The following PLA1A variants were observed in gnomAD, a reference collection of about 807,000 sequenced individuals.
PLA1A encodes the protein phosphatidylserine-specific phospholipase A1alpha.
A neutral mutation model predicts 49.4 loss-of-function variants in PLA1A; 47 were observed. The observed-to-expected ratio is 0.95, with a 90% CI of 0.75 to 1.21. PLA1A has a LOEUF of 1.21. Among genes scored for constraint, PLA1A ranks in the 50% most tolerant of loss-of-function variants. PLA1A has a pLI of 0.00. For synonymous variants in PLA1A, 224 were observed against 207.9 expected, an observed-to-expected ratio of 1.08 and a Z score of -0.67; for missense variants, 561 against 563.9, an observed-to-expected ratio of 0.99 and a Z score of 0.05.
chr3:119,608,437 A>G (rs1012642747), intron 2 of PLA1A, among the ~76,000 whole-genome samples: 4 of 152,216 alleles, frequency 2.6e-5, no homozygotes. Flanking sequence ...TATACAGTTT[A>G]TGTGGTTTAT....
At chr3:119,607,875 C>CT (rs2082709844) in intron 2 of PLA1A, among the ~76,000 whole-genome samples, 1 of 152,208 alleles carries the variant, frequency 6.6e-6, no homozygotes, top group African/African-American at 2.4e-5. Context: ...CTGGCACACA[C>CT]CCAGTCCGCG....
intron 9 of PLA1A, among the ~76,000 whole-genome samples, chr3:119,626,726 G>A (rs1022690540): frequency 2.6e-5 from 4 of 152,206 alleles, no homozygotes; most frequent in African/African-American, 9.7e-5. Flanking sequence ...GCTGGAAGGA[G>A]TGCATTTCAC....
At chr3:119,614,715 A>G (rs1202614393) in intron 5 of PLA1A, among the ~76,000 whole-genome samples, 1 of 151,970 alleles carries the variant, frequency 6.6e-6, no homozygotes, top group Non-Finnish European at 1.5e-5. Context: ...GGCCCCTTCA[A>G]AGTTGGAGCC....
At chr3:119,624,651 G>A (rs2082990955) in intron 8 of PLA1A, among the ~76,000 whole-genome samples, 1 of 147,584 alleles carries the variant, frequency 6.8e-6, no homozygotes, top group South Asian at 2.1e-4. Context: ...TTTTTTTTTA[G>A]ACGGAGTCTT....
chr3:119,606,805 C>A lies in PLA1A; in HGVS notation c.105C>A (p.Cys35Ter). The A allele has an allele frequency of 6.2e-7, 1 of 1,614,112 alleles. No individual in the cohort carries two copies. The highest frequency in any genetic ancestry group is 1.1e-5 in the South Asian group (1 of 91,080). ...CACCTCCTACCCCACAGCCAAAGTG[C>A]GCTGACTTCCAGAGCGCCAACCTTT... is the stretch of plus-strand genomic sequence containing the variant. ...GDAPPTPQPK[C>*]ADFQSANLFE... Residue 35 changes from cysteine to a stop codon, truncating the protein, a stop_gained, in exon 2 of 11, where the codon TGC (cysteine) becomes TGA (stop). Coordinates refer to ENST00000273371, the MANE Select transcript of PLA1A (RefSeq NM_015900.4). LOFTEE classifies it high-confidence loss of function.
chr3:119,602,412 C>A (rs1262826435), intron 1 of PLA1A, among the ~76,000 whole-genome samples: 1 of 152,176 alleles, frequency 6.6e-6, no homozygotes, highest in East Asian at 1.9e-4. Flanking sequence ...CATTTTCTAG[C>A]AAAATATCAG....
At chr3:119,612,833 C>A (rs1297695068) in intron 4 of PLA1A, among the ~76,000 whole-genome samples, 184 bp from the exon 5 acceptor site, 1 of 152,142 alleles carries the variant, frequency 6.6e-6, no homozygotes, top group South Asian at 2.1e-4. Context: ...TGAGAGGTTA[C>A]CTCTAGAGAG....
chr3:119,615,590 T>A (rs1364560538), intron 5 of PLA1A, among the ~76,000 whole-genome samples: 8 of 152,018 alleles, frequency 5.3e-5, no homozygotes, highest in Non-Finnish European at 1.0e-4. Flanking sequence ...GGCGGGTGGA[T>A]CACCTGAGGT....
intron 8 of PLA1A, 117 bp downstream of exon 8, chr3:119,619,769 TGGCAA>T (rs2082903568): frequency 3.2e-5 from 24 of 758,608 alleles, no homozygotes; most frequent in Admixed American, 1.7e-4. Flanking sequence ...ACCGGAGGTG[TGGCAA>T]CAGCCCCTGG....
At chr3:119,598,044 C>A in intron 1 of PLA1A, 58 bp downstream of exon 1, 2 of 1,105,810 alleles carry the variant, frequency 1.8e-6, no homozygotes, top group South Asian at 2.7e-5. Context: ...CATATTTCTC[C>A]AACTACTTAT....
Position 119,618,136 on chromosome 3 carries a change from G to A in PLA1A, c.872G>A (p.Gly291Glu), listed in dbSNP as rs1326906757. The A allele has an allele frequency of 6.2e-7, 1 of 1,614,018 alleles. No homozygotes were observed. The highest frequency in any genetic ancestry group is 8.5e-7 in the Non-Finnish European group (1 of 1,179,998). Residue 291 changes from glycine to glutamate, a missense_variant, in exon 7 of 11, where the codon GGA (glycine) becomes GAA (glutamate). Transcript: ENST00000273371. ...PCASYKAFLA[G>E]RCLDCFNPFL... ...GCCAGCTACAAGGCCTTCCTTGCTG[G>A]ACGCTGTCTGGATTGCTTTAACCCT...
At chr3:119,622,347 T>G (rs1241082791) in intron 8 of PLA1A, among the ~76,000 whole-genome samples, 1 of 152,216 alleles carries the variant, frequency 6.6e-6, no homozygotes, top group Non-Finnish European at 1.5e-5. Context: ...TTTTTCCACA[T>G]TGCAAATATC....
rs1290658998 is a variant in PLA1A, at chr3:119,609,474, G to A, written c.460G>A (p.Gly154Ser). 6.2e-7 allele frequency: 1 copy of A among 1,603,810 alleles called. No homozygotes were observed. The highest frequency in any genetic ancestry group is 8.5e-7 in the Non-Finnish European group (1 of 1,170,700). Reference protein sequence around the residue: ...SLFLNKLLVLGVSESSIHIIG... With the variant: ...SLFLNKLLVLSVSESSIHIIG... ...ACTGTTCCTGCTCTTCTAGGTGCTG[G>A]GTGTGTCGGAATCCTCAATCCACAT... Residue 154 changes from glycine to serine, a missense_variant, in exon 4 of 11, where the codon GGT (glycine) becomes AGT (serine). Coordinates refer to ENST00000273371, the MANE Select transcript of PLA1A (RefSeq NM_015900.4).
At chr3:119,626,774 C>T (rs1480479611) in intron 9 of PLA1A, among the ~76,000 whole-genome samples, 4 of 152,162 alleles carry the variant, frequency 2.6e-5, no homozygotes, top group Admixed American at 2.0e-4. Flanking sequence ...TTCCTTCTGG[C>T]TCACCCAAAG....
intron 5 of PLA1A, among the ~76,000 whole-genome samples, chr3:119,614,060 A>G (rs1228906408): frequency 6.6e-6 from 1 of 152,132 alleles, no homozygotes. Context: ...GTCTGTGCTT[A>G]GTGTGGTGGG....
chr3:119,615,728 T>C (rs1414832155), intron 5 of PLA1A, among the ~76,000 whole-genome samples: 2 of 151,890 alleles, frequency 1.3e-5, no homozygotes, highest in East Asian at 3.9e-4. Context: ...GGAGAATCGC[T>C]TGAATCCGGG....
intron 9 of PLA1A, among the ~76,000 whole-genome samples, chr3:119,627,364 A>G (rs887771798): frequency 3.9e-5 from 6 of 152,326 alleles, no homozygotes; most frequent in African/African-American, 7.2e-5. Context: ...GATTTTTCAT[A>G]TTCCTTGTAT....
chr3:119,628,842 T>G lies in PLA1A; in HGVS notation c.1263T>G (p.Thr421=). 1 of 1,614,082 alleles carries G rather than the reference T, an allele frequency of 6.2e-7. No homozygotes were observed. Among genetic ancestry groups the G allele is most frequent in the Non-Finnish European group, 8.5e-7 (1 of 1,179,914 alleles). ...DRTTIIGKFC[T]ALLPVNDREK... is the part of the protein sequence containing the mutation. ...CTACCATTATTGGGAAGTTCTGCAC[T>G]GCCCTTTTGCCTGTCAATGACAGGT... Residue 421 remains threonine, a synonymous_variant, in exon 10 of 11, where the codon ACT becomes ACG. Transcript: ENST00000273371.
At chr3:119,628,614 C>A in intron 9 of PLA1A, 87 bp from the exon 10 acceptor site, 1 of 1,266,458 alleles carries the variant, frequency 7.9e-7, no homozygotes, top group Non-Finnish European at 1.1e-6. Flanking sequence ...CAACCAGTGC[C>A]ACCAGCAGAG....
Sources: allele counts gnomAD v4.1 joint callset (sites outside exome capture counted in the v4.1 genomes callset), GRCh38; gene constraint gnomAD v4.1.1; transcripts MANE v1.5; gene names NCBI Gene and HGNC (gene_info 2026-07-23, HGNC 2026-07-21).